The following TBC1D15 variants were observed in gnomAD, a reference collection of about 807,000 sequenced individuals.
The protein encoded by TBC1D15 is TBC1 domain family member 15, also known as GAP for RAB7.
TBC1D15 carries 39 observed loss-of-function variants against 95.4 expected under a neutral mutation model. The ratio of observed to expected loss-of-function variants is 0.41; its 90% confidence interval spans 0.32 to 0.53. The LOEUF is 0.53. Ranked by LOEUF, TBC1D15 falls within the 20% of genes least tolerant of loss-of-function variation. The pLI is 0.29. For synonymous variants in TBC1D15, 258 were observed against 261.3 expected (o/e 0.99, Z 0.12); for missense variants, 733 against 794.3 (o/e 0.92, Z 0.93).
At position 71,849,602 on chromosome 12, in the gene TBC1D15, C is replaced by T. The variant is rs536685328; in HGVS notation, c.30+9791C>T. On this transcript the variant is annotated intron_variant, in intron 1 of 16. Transcript: ENST00000485960. The stretch of plus-strand genomic sequence containing the variant: ...AAATAATACTTTGTGAATCATCAGT[C>T]AGTACCGTAAGCTCCTAAGCTGCAT... 8.9e-5 allele frequency: 55 copies of T among 620,902 alleles called. 1 individual carries two copies. Among genetic ancestry groups the T allele is most frequent in the South Asian group, 7.4e-4 (46 of 61,892 alleles). 38.5% of individuals were successfully genotyped at this position (620,902 alleles called of 1,614,324 possible).
At chr12:71,887,878 A>G (rs975184441) in intron 5 of TBC1D15, among the ~76,000 whole-genome samples, 4 of 152,242 alleles carry the variant, frequency 2.6e-5, no homozygotes, top group African/African-American at 9.6e-5. Context: ...TACATAATAA[A>G]TGTGCAATAA....
chr12:71,873,234 A>T (rs1355045299), intron 3 of TBC1D15, among the ~76,000 whole-genome samples: 1 of 152,150 alleles, frequency 6.6e-6, no homozygotes, highest in Non-Finnish European at 1.5e-5. Context: ...ACTTTCAGTC[A>T]CTGGCAATCA....
intron 13 of TBC1D15, 86 bp downstream of exon 13, chr12:71,917,883 G>T (rs1904078384): frequency 2.3e-6 from 2 of 859,504 alleles, no homozygotes; most frequent in Admixed American, 2.0e-5. Flanking sequence ...AAGAAGCCAG[G>T]TGCAGTGGCT....
chr12:71,882,666 T>C (rs1423079743), intron 4 of TBC1D15, among the ~76,000 whole-genome samples: 1 of 152,170 alleles, frequency 6.6e-6, no homozygotes, highest in Non-Finnish European at 1.5e-5. Flanking sequence ...TGCTTTGCAG[T>C]TTAGTTTTAT....
intron 4 of TBC1D15, among the ~76,000 whole-genome samples, chr12:71,884,209 G>C (rs979661182): frequency 2.6e-5 from 4 of 151,990 alleles, no homozygotes; most frequent in African/African-American, 9.7e-5. Flanking sequence ...TACTAGTGTA[G>C]TGTCCTAAAA....
intron 1 of TBC1D15, chr12:71,849,163 T>TA (rs3832834): frequency 0.044 from 7,767 of 177,014 alleles, 10 homozygotes; most frequent in Middle Eastern, 0.063. Flanking sequence ...ACTGTGATTA[T>TA]AAAAAAAAAA....
intron 5 of TBC1D15, among the ~76,000 whole-genome samples, chr12:71,885,881 A>C (rs1241620739): frequency 6.6e-6 from 1 of 152,198 alleles, no homozygotes; most frequent in African/African-American, 2.4e-5. Flanking sequence ...TACAAACATG[A>C]TGTAATCACA....
At chr12:71,871,315 C>T (rs887687054) in intron 1 of TBC1D15, among the ~76,000 whole-genome samples, 7 of 152,066 alleles carry the variant, frequency 4.6e-5, no homozygotes, top group African/African-American at 1.7e-4. Context: ...GTTAGTGAGT[C>T]ATTTCTAGGA....
At chr12:71,912,402 A>T (rs1902599553) in intron 11 of TBC1D15, among the ~76,000 whole-genome samples, 1 of 152,108 alleles carries the variant, frequency 6.6e-6, no homozygotes, top group Non-Finnish European at 1.5e-5. Flanking sequence ...CACAGGGTGC[A>T]GTGTAGACAG....
At chr12:71,859,617 G>GT (rs1565958665) in intron 1 of TBC1D15, among the ~76,000 whole-genome samples, 3 of 117,010 alleles carry the variant, frequency 2.6e-5, no homozygotes, top group Non-Finnish European at 3.3e-5. Context: ...AATCCTTTTT[G>GT]TTTTTTTTGA....
chr12:71,872,628 A>G (rs911961870), intron 2 of TBC1D15, among the ~76,000 whole-genome samples: 8 of 152,162 alleles, frequency 5.3e-5, no homozygotes, highest in African/African-American at 1.9e-4. Context: ...CTTTTACACC[A>G]TCCTATTACA....
intron 11 of TBC1D15, among the ~76,000 whole-genome samples, chr12:71,911,540 G>T (rs867576728): frequency 1.4e-5 from 2 of 145,198 alleles, no homozygotes; most frequent in Non-Finnish European, 1.5e-5. Context: ...ACCAAACACC[G>T]CATGTTCTCA....
intron 16 of TBC1D15, among the ~76,000 whole-genome samples, chr12:71,922,525 G>C (rs1025629507): frequency 7.2e-5 from 11 of 151,944 alleles, no homozygotes; most frequent in Non-Finnish European, 1.3e-4. Context: ...ATTCTTGCTT[G>C]GTCCTTGTAT....
intron 1 of TBC1D15, among the ~76,000 whole-genome samples, chr12:71,858,259 A>G (rs1266620117): frequency 7.2e-5 from 11 of 151,836 alleles, no homozygotes; most frequent in Non-Finnish European, 8.8e-5. Flanking sequence ...TTTAGTAGAG[A>G]TGGGGTTTCT....
At chr12:71,901,452 A>T (rs1899378650) in intron 10 of TBC1D15, among the ~76,000 whole-genome samples, 1 of 152,160 alleles carries the variant, frequency 6.6e-6, no homozygotes, top group Non-Finnish European at 1.5e-5. Flanking sequence ...GAATGTCTGT[A>T]AGTTAATATG....
At chr12:71,866,285 A>G (rs939989057) in intron 1 of TBC1D15, among the ~76,000 whole-genome samples, 2 of 152,204 alleles carry the variant, frequency 1.3e-5, no homozygotes, top group African/African-American at 4.8e-5. Context: ...CTTTTGGGCC[A>G]CAAGGACAGA....
At chr12:71,855,800 G>A (rs919399931) in intron 1 of TBC1D15, among the ~76,000 whole-genome samples, 1 of 150,340 alleles carries the variant, frequency 6.7e-6, no homozygotes, top group African/African-American at 2.4e-5. Context: ...TTCTTTATTA[G>A]TAGTAGTATT....
chr12:71,862,046 TATA>T (rs1052616950), intron 1 of TBC1D15, among the ~76,000 whole-genome samples: 2 of 152,212 alleles, frequency 1.3e-5, no homozygotes, highest in Non-Finnish European at 2.9e-5. Context: ...AGATACTTCT[TATA>T]ATCTCAGTTC....
Position 71,917,782 on chromosome 12 carries a change from T to C in TBC1D15, c.1486T>C (p.Phe496Leu). The part of the protein sequence containing the change: ...STLLRLLDSG[F>L]CSYLESQDSG... ...CTTACTTCGATTGTTAGACAGTGGATTTTGCAGTTACTTAGGTAAGTTTAG... is the reference window on the plus strand; with the variant it reads ...CTTACTTCGATTGTTAGACAGTGGACTTTGCAGTTACTTAGGTAAGTTTAG... Residue 496 changes from phenylalanine (F) to leucine (L), a missense_variant, in exon 13 of 17, where the codon TTT becomes CTT. Physicochemically the swap from Phe to Leu is conservative, Grantham distance 22 (BLOSUM62 0). Transcript: ENST00000485960. The C allele has an allele frequency of 1.2e-6, 2 of 1,611,618 alleles. No individual in the cohort carries two copies. Among genetic ancestry groups the C allele is most frequent in the Non-Finnish European group, 1.7e-6 (2 of 1,178,172 alleles).
Sources: allele counts gnomAD v4.1 joint callset (sites outside exome capture counted in the v4.1 genomes callset), GRCh38; gene constraint gnomAD v4.1.1; transcripts MANE v1.5; gene names NCBI Gene and HGNC (gene_info 2026-07-23, HGNC 2026-07-21).